The following ACOX2 variants were observed in gnomAD, a reference collection of about 807,000 sequenced individuals.
ACOX2 encodes peroxisomal acyl-coenzyme A oxidase 2.
Under a neutral mutation model 77.5 loss-of-function variants are expected in ACOX2, and 59 were observed. The ratio of observed to expected loss-of-function variants is 0.76; its 90% CI spans 0.62 to 0.95. The LOEUF is 0.95. Ranked by LOEUF, ACOX2 falls within the 40% of genes least tolerant of loss-of-function variation. ACOX2 has a pLI of 0.00. For missense variants in ACOX2, 837 were observed against 880.4 expected (o/e 0.95, Z 0.62); for synonymous variants, 317 against 340.1 (o/e 0.93, Z 0.75).
chr3:58,506,021 C>A (rs1217040129), intron 14 of ACOX2, among the ~76,000 whole-genome samples: 1 of 152,140 alleles, frequency 6.6e-6, no homozygotes, highest in Admixed American at 6.5e-5. Context: ...AAACTCCTAA[C>A]CTCAAGTGAT....
chr3:58,507,328 G>T (rs190045841), intron 14 of ACOX2, among the ~76,000 whole-genome samples: 5 of 152,322 alleles, frequency 3.3e-5, no homozygotes, highest in African/African-American at 1.2e-4. Context: ...AGAAGTGAAT[G>T]GGATGAAGTG....
intron 5 of ACOX2, among the ~76,000 whole-genome samples, chr3:58,532,881 G>A (rs1414125898): frequency 2.0e-5 from 3 of 152,164 alleles, no homozygotes; most frequent in Non-Finnish European, 4.4e-5. Context: ...GAAATCCCTC[G>A]TTGGGGCTTG....
At chr3:58,516,202 A>T (rs1454710115) in intron 13 of ACOX2, among the ~76,000 whole-genome samples, 3 of 152,274 alleles carry the variant, frequency 2.0e-5, no homozygotes, top group South Asian at 2.1e-4. Context: ...GTTAAAAAAA[A>T]TTTTTCATCT....
At position 58,534,017 on chromosome 3, in the gene ACOX2, T is replaced by A. The variant is rs373471922; in HGVS notation, c.452A>T (p.Tyr151Phe). 20 of 1,614,102 alleles carry A rather than the reference T, an allele frequency of 1.2e-5. No homozygotes were observed. The highest frequency in any genetic ancestry group is 1.6e-5 in the Non-Finnish European group (19 of 1,180,050). The stretch of plus-strand genomic sequence containing the variant: ...ACCATGTCCCAACTCTGTCTGTGCA[T>A]ACGTTGCGATGATCTGGATGTTTTT... ...LCKNIQIIAT[Y>F]AQTELGHGTY... Residue 151 changes from tyrosine to phenylalanine, a missense_variant, in exon 4 of 15, where the codon TAT (tyrosine) becomes TTT (phenylalanine). Coordinates refer to ENST00000302819, the MANE Select transcript of ACOX2 (RefSeq NM_003500.4). This position sits in a 1 kb window ranked among gnomAD's most constrained non-coding sequence, Gnocchi z 4.8.
chr3:58,508,987 G>A lies in ACOX2; in HGVS notation c.1889C>T (p.Thr630Ile). ...AILLTDAFDFTDQCLNSALGC... is the reference protein window; with the variant it reads ...AILLTDAFDFIDQCLNSALGC... The stretch of plus-strand genomic sequence containing the variant: ...AAGTGCTGAATTTAAACACTGATCG[G>A]TGAAGTCAAAAGCATCAGTTAACAG... Residue 630 changes from threonine (T) to isoleucine (I), a missense_variant, in exon 14 of 15, where the codon ACC becomes ATC. Transcript: ENST00000302819. The A allele has an allele frequency of 6.2e-7, 1 of 1,614,104 alleles. No homozygotes were observed. The highest frequency in any genetic ancestry group is 8.5e-7 in the Non-Finnish European group (1 of 1,179,970).
intron 13 of ACOX2, among the ~76,000 whole-genome samples, chr3:58,510,656 AAAAAAAAATATATATATATATATAT>A (rs2063273891): frequency 1.2e-4 from 4 of 33,450 alleles, no homozygotes; most frequent in African/African-American, 5.3e-4. Context: ...AAAAAAAAAA[AAAAAAAAATATATATATATATATAT>A]ATATATATAT....
rs541741407 is a variant in ACOX2 at position 58,526,650 on chromosome 3, C to A, written c.1162G>T (p.Ala388Ser). 1.9e-6 allele frequency: 3 copies of A among 1,613,468 alleles called. No homozygotes were observed. In the African/African-American group the frequency reaches 4.0e-5, roughly 22 times the overall value. ...QDFSFLPELH[A>S]LSTGMKAMMS... ...ATGGCCTTCATGCCCGTGCTCAGTGCGTGGAGCTGTGAGAACATGGAGGGG... is the reference window on the plus strand; with the variant it reads ...ATGGCCTTCATGCCCGTGCTCAGTGAGTGGAGCTGTGAGAACATGGAGGGG... The change falls in exon 10 of 15, where the codon GCA becomes TCA. Residue 388 changes from alanine to serine, a missense_variant. Physicochemically the swap from Ala to Ser is moderately conservative, Grantham distance 99. Coordinates refer to ENST00000302819, the MANE Select transcript of ACOX2 (RefSeq NM_003500.4). This position sits in a 1 kb window ranked among gnomAD's most constrained non-coding sequence, Gnocchi z 4.3.
rs1299092453 is a variant in ACOX2, at chr3:58,505,665, C to T, written c.1984-379G>A. On this transcript the variant is annotated intron_variant, in intron 14 of 14. Coordinates refer to ENST00000302819, the MANE Select transcript of ACOX2 (RefSeq NM_003500.4). The surrounding 1 kb of genome is among the most constrained non-coding windows in gnomAD (Gnocchi z 4.4). ...ATTCTAGGTCCGACTAGGTTATCCT[C>T]ATTATGCTGTAATTCAGTGTCTTGA... is the stretch of plus-strand genomic sequence containing the variant. 6.6e-6 allele frequency among the ~76,000 whole-genome samples: 1 copy of T among 152,212 alleles called. No individual in the cohort carries two copies. The highest frequency in any genetic ancestry group is 1.9e-4 in the East Asian group (1 of 5,202).
rs1483810880 is a variant in ACOX2 at position 58,525,854 on chromosome 3, C to T, written c.1346+612G>A. Among the ~76,000 whole-genome samples the T allele has an allele frequency of 6.6e-6, 1 of 152,058 alleles. No homozygotes were observed. Among genetic ancestry groups the T allele is most frequent in the African/African-American group, 2.4e-5 (1 of 41,406 alleles). On this transcript the variant is annotated intron_variant, in intron 10 of 14. Coordinates refer to ENST00000302819, the MANE Select transcript of ACOX2 (RefSeq NM_003500.4). The surrounding 1 kb of genome is among the most constrained non-coding windows in gnomAD (Gnocchi z 5.0). ...CCTGGCCAACATGGTGAAACCCCAT[C>T]TCTACTAAAAATACAAAAATTAGAT...
At position 58,528,863 on chromosome 3, in the gene ACOX2, G is replaced by T; in HGVS notation, c.1086C>A (p.Val362=). The T allele has an allele frequency of 6.2e-7, 1 of 1,613,898 alleles. No homozygotes were observed. Residue 362 remains valine (V), a synonymous_variant, in exon 9 of 15, where the codon GTC becomes GTA. Transcript: ENST00000302819. The surrounding 1 kb of genome is among the most constrained non-coding windows in gnomAD (Gnocchi z 5.6). Reference sequence around the variant, plus strand: ...AGTGCTGGAAGAACTCCAAGAGGCTGACTGCCAGGAAATGGAAGGCATAAC... The same window carrying T: ...AGTGCTGGAAGAACTCCAAGAGGCTTACTGCCAGGAAATGGAAGGCATAAC... ...AISYAFHFLA[V]SLLEFFQHSY...
In ACOX2 at chr3:58,534,638, T is replaced by G; in HGVS notation, c.161-116A>C. 2 of 1,576,516 alleles carry G rather than the reference T, an allele frequency of 1.3e-6. No homozygotes were observed. The highest frequency in any genetic ancestry group is 1.7e-6 in the Non-Finnish European group (2 of 1,164,544). Reference sequence around the variant, plus strand: ...AAAGGAAGTCAGACATTATTGTTATTTTACAGATGACAAAACTGAGGACCA... The same window carrying G: ...AAAGGAAGTCAGACATTATTGTTATGTTACAGATGACAAAACTGAGGACCA... On this transcript the variant is annotated intron_variant, in intron 2 of 14. Transcript: ENST00000302819. The surrounding 1 kb of genome is among the most constrained non-coding windows in gnomAD (Gnocchi z 4.8).
In ACOX2 at chr3:58,530,056, A is replaced by G. The variant is rs1169550588; in HGVS notation, c.992+410T>C. ...TGGATTTTGCTAGGCTCGGCCTGACAGAATCAACTCAGCCAGCCATAGTCT... is the reference window on the plus strand; with the variant it reads ...TGGATTTTGCTAGGCTCGGCCTGACGGAATCAACTCAGCCAGCCATAGTCT... On this transcript the variant is annotated intron_variant, in intron 8 of 14. Transcript: ENST00000302819. Among the ~76,000 whole-genome samples the G allele has an allele frequency of 2.6e-5, 4 of 152,260 alleles. No homozygotes were observed. In the East Asian group the frequency reaches 5.8e-4, roughly 22 times the overall value.
At chr3:58,508,201 T>C (rs775345480) in intron 14 of ACOX2, among the ~76,000 whole-genome samples, 4 of 152,224 alleles carry the variant, frequency 2.6e-5, no homozygotes, top group Non-Finnish European at 4.4e-5. Flanking sequence ...GCTGCGAGCA[T>C]ACCCTGGCCC....
chr3:58,518,075 C>CAAAAAAAAAAAAAAAAAAAA, intron 12 of ACOX2, among the ~76,000 whole-genome samples: 1 of 47,694 alleles, frequency 2.1e-5, no homozygotes, highest in East Asian at 6.1e-4. Context: ...AACTCCATCT[C>CAAAAAAAAAAAAAAAAAAAA]AAAAAAAAAA....
chr3:58,508,901 T>C lies in ACOX2; in HGVS notation c.1975A>G (p.Asn659Asp), dbSNP rs2063254402. The C allele has an allele frequency of 6.2e-7, 1 of 1,614,088 alleles. No individual in the cohort carries two copies. Among genetic ancestry groups the C allele is most frequent in the South Asian group, 1.1e-5 (1 of 91,086 alleles). ...LFQWAQKSPT[N>D]TQENPAYEEY... is the part of the protein sequence containing the mutation. ...GTGTTCCACTCAACTACCTGAGTAT[T>C]GGTTGGTGACTTCTGAGCCCACTGG... The change falls in exon 14 of 15, where the codon AAT becomes GAT. Residue 659 changes from asparagine to aspartate, a missense_variant. Physicochemically the swap from Asn to Asp is conservative, Grantham distance 23. Coordinates refer to ENST00000302819, the MANE Select transcript of ACOX2 (RefSeq NM_003500.4).
chr3:58,522,520 A>G lies in ACOX2; in HGVS notation c.1608T>C (p.Thr536=). 2 of 1,614,198 alleles carry G rather than the reference A, an allele frequency of 1.2e-6. No homozygotes were observed. Among genetic ancestry groups the G allele is most frequent in the Non-Finnish European group, 1.7e-6 (2 of 1,180,018 alleles). The change falls in exon 12 of 15, where the codon ACT becomes ACC. Residue 536 remains threonine (T), a synonymous_variant. Transcript: ENST00000302819. The surrounding 1 kb of genome is among the most constrained non-coding windows in gnomAD (Gnocchi z 4.3). ...CCTTAGCAGCCTGGAGGTGTATGAC[A>G]GTGGTCTGGTTCCAAGCCTCGTGCT... ...ADQHEAWNQT[T]VIHLQAAKVH...
rs2063434721 is a variant in ACOX2, at chr3:58,531,049, G to C, written c.819+202C>G. Among the ~76,000 whole-genome samples, 1 of 152,208 alleles carries C rather than the reference G, an allele frequency of 6.6e-6. No individual in the cohort carries two copies. The highest frequency in any genetic ancestry group is 2.1e-4 in the South Asian group (1 of 4,832). The stretch of plus-strand genomic sequence containing the variant: ...GCCTATGTGACGAGCATTTCTGCAT[G>C]AGAGGTCTGAGGCTCTGTGCCCAAG... On this transcript the variant is annotated intron_variant, in intron 7 of 14. Transcript: ENST00000302819. This position sits in a 1 kb window ranked among gnomAD's most constrained non-coding sequence, Gnocchi z 5.8.
At position 58,505,591 on chromosome 3, in the gene ACOX2, T is replaced by C. The variant is rs1213547108; in HGVS notation, c.1984-305A>G. Among the ~76,000 whole-genome samples, 1 of 152,222 alleles carries C rather than the reference T, an allele frequency of 6.6e-6. No homozygotes were observed. The highest frequency in any genetic ancestry group is 1.5e-5 in the Non-Finnish European group (1 of 68,044). ...TTGACTCTTTGAGGCTCTCTGAAAC[T>C]GAACATTAATCACAAAGCAAGGAAC... On this transcript the variant is annotated intron_variant, in intron 14 of 14. Transcript: ENST00000302819. The surrounding 1 kb of genome is among the most constrained non-coding windows in gnomAD (Gnocchi z 4.4).
chr3:58,510,648 AAAAAAAAAAAAAAAAATATATATAT>A (rs1166215119), intron 13 of ACOX2, among the ~76,000 whole-genome samples: 1 of 37,448 alleles, frequency 2.7e-5, no homozygotes, highest in African/African-American at 1.1e-4. Flanking sequence ...AAAAAAAAAA[AAAAAAAAAAAAAAAAATATATATAT>A]ATATATATAT....
Sources: gnomAD v4.1 joint callset for allele counts (sites outside exome capture counted in the v4.1 genomes callset) on GRCh38, gnomAD v4.1.1 for gene constraint, Gnocchi (gnomAD v3.1) non-coding constraint, MANE v1.5 for transcripts, NCBI Gene and HGNC (gene_info 2026-07-23, HGNC 2026-07-21) for gene names.